Variants in CTCF observed in about 807,000 individuals in gnomAD.
CTCF encodes transcriptional repressor CTCF.
CTCF carries 7 observed loss-of-function variants against 72.3 expected under a neutral mutation model. The observed-to-expected ratio is 0.10, with a 90% CI of 0.06 to 0.18. The LOEUF is 0.18. Ranked by LOEUF, CTCF falls within the 10% of genes least tolerant of loss-of-function variation. The probability of loss-of-function intolerance (pLI) is 1.00; values close to 1 mark genes in which losing one functional copy is unlikely to be tolerated. For missense variants in CTCF, 516 were observed against 949.1 expected (o/e 0.54, Z 6.00); for synonymous variants, 374 against 315.8 (o/e 1.18, Z -1.95).
intron 1 of CTCF, among the ~76,000 whole-genome samples, chr16:67,567,643 T>G (rs999019509): frequency 4.6e-5 from 7 of 151,948 alleles, no homozygotes; most frequent in Admixed American, 1.3e-4. Flanking sequence ...CAGATAGGAG[T>G]GCAGTGGCAT....
intron 7 of CTCF, among the ~76,000 whole-genome samples, chr16:67,622,474 G>T (rs1473499269): frequency 1.3e-5 from 2 of 151,946 alleles, no homozygotes; most frequent in Non-Finnish European, 2.9e-5. Context: ...GATACAACTT[G>T]TAGTACCGTA....
chr16:67,621,364 G>GC, intron 6 of CTCF, 78 bp from the exon 7 acceptor site: 1 of 1,067,884 alleles, frequency 9.4e-7, no homozygotes, highest in Non-Finnish European at 1.4e-6. Context: ...TAGCATATCT[G>GC]CCACCTGAGT....
At chr16:67,591,031 C>G (rs1249453030) in intron 2 of CTCF, among the ~76,000 whole-genome samples, 1 of 149,242 alleles carries the variant, frequency 6.7e-6, no homozygotes, top group Admixed American at 6.7e-5. Context: ...AGGCGTGAGC[C>G]ACCGTAATCC....
chr16:67,604,088 C>A (rs1264607785), intron 2 of CTCF, among the ~76,000 whole-genome samples: 3 of 148,036 alleles, frequency 2.0e-5, no homozygotes, highest in Non-Finnish European at 4.5e-5. Flanking sequence ...CATGACCATT[C>A]TGCTGCACTC....
At chr16:67,630,196 C>T (rs892240198) in intron 10 of CTCF, among the ~76,000 whole-genome samples, 4 of 152,040 alleles carry the variant, frequency 2.6e-5, no homozygotes, top group African/African-American at 7.3e-5. Context: ...TTAACTTTTA[C>T]ATTTAGGAAG....
At chr16:67,572,029 C>A (rs189193346) in intron 2 of CTCF, among the ~76,000 whole-genome samples, 1 of 152,078 alleles carries the variant, frequency 6.6e-6, no homozygotes, top group Non-Finnish European at 1.5e-5. Context: ...ATAATTTAAT[C>A]GTACATGTGT....
chr16:67,601,256 T>G (rs906740486), intron 2 of CTCF, among the ~76,000 whole-genome samples: 272 of 115,790 alleles, frequency 2.3e-3, no homozygotes, highest in African/African-American at 8.4e-3. Flanking sequence ...GTGTGTGTGT[T>G]TTGTTTTGTT....
chr16:67,577,435 CTTTT>C (rs111728249), intron 2 of CTCF, among the ~76,000 whole-genome samples: 1 of 140,200 alleles, frequency 7.1e-6, no homozygotes, highest in South Asian at 2.3e-4. Flanking sequence ...GTCTAGACTT[CTTTT>C]TTTTTTTTTA....
intron 5 of CTCF, among the ~76,000 whole-genome samples, chr16:67,617,512 T>TAATA (rs984261219): frequency 3.3e-5 from 5 of 151,126 alleles, no homozygotes; most frequent in South Asian, 2.1e-4. Flanking sequence ...CAAAAAATAA[T>TAATA]AATAAATAAA....
intron 7 of CTCF, among the ~76,000 whole-genome samples, chr16:67,624,010 G>A (rs1270899548): frequency 6.7e-6 from 1 of 148,154 alleles, no homozygotes; most frequent in Non-Finnish European, 1.5e-5. Flanking sequence ...ATCGCGCCAC[G>A]GCACTCCAGC....
Position 67,637,812 on chromosome 16 carries a change from C to T in CTCF, c.2124C>T (p.Ala708=). 2.5e-6 allele frequency: 4 copies of T among 1,612,848 alleles called. No individual in the cohort carries two copies. The highest frequency in any genetic ancestry group is 3.4e-6 in the Non-Finnish European group (4 of 1,180,034). ...EGEEEEAQPA[A]TDAPNGDLTP... ...AGGAAGAGGAGGCCCAGCCAGCTGC[C>T]ACAGATGCCCCCAACGGAGACCTCA... is the stretch of plus-strand genomic sequence containing the variant. The change falls in exon 12 of 12, where the codon GCC becomes GCT. Residue 708 remains alanine (A), a synonymous_variant. Transcript: ENST00000264010.
intron 10 of CTCF, among the ~76,000 whole-genome samples, chr16:67,631,364 C>T (rs2052363541): frequency 6.6e-6 from 1 of 151,942 alleles, no homozygotes; most frequent in Admixed American, 6.6e-5. Context: ...AGGGTTTCAC[C>T]ATGTTGGCCA....
intron 2 of CTCF, among the ~76,000 whole-genome samples, chr16:67,586,437 T>A (rs1039908592): frequency 6.6e-6 from 1 of 151,400 alleles, no homozygotes; most frequent in Admixed American, 6.6e-5. Context: ...CTCAGGAGGC[T>A]GAGGCAGAGA....
At chr16:67,609,863 T>C (rs1202252388) in intron 2 of CTCF, among the ~76,000 whole-genome samples, 1 of 151,998 alleles carries the variant, frequency 6.6e-6, no homozygotes. Flanking sequence ...TGACCTCCGG[T>C]AATCTGCCCG....
rs1259685373 is a variant in CTCF, at chr16:67,637,679, C to T, written c.2000-9C>T. ...GACCATTTGTTCTGTCTGTGCTCTT[C>T]TTTGCCAGCAACAGCTATCATTCAG... On this transcript the variant is annotated splice_polypyrimidine_tract_variant and intron_variant, in intron 11 of 11. Coordinates refer to ENST00000264010, the MANE Select transcript of CTCF (RefSeq NM_006565.4). 1.9e-6 allele frequency: 3 copies of T among 1,608,968 alleles called. No homozygotes were observed. Among genetic ancestry groups the T allele is most frequent in the Non-Finnish European group, 2.5e-6 (3 of 1,176,684 alleles).
intron 2 of CTCF, among the ~76,000 whole-genome samples, chr16:67,584,878 G>A (rs1033587198): frequency 6.6e-6 from 1 of 152,122 alleles, no homozygotes; most frequent in Non-Finnish European, 1.5e-5. Flanking sequence ...TAGTCTTTGG[G>A]TTTCCCAGAA....
rs564999680 is a variant in CTCF at position 67,616,722 on chromosome 16, C to T, written c.953-23C>T. 2.5e-6 allele frequency: 4 copies of T among 1,613,732 alleles called. No individual in the cohort carries two copies. In the Admixed American group the frequency reaches 5.0e-5, roughly 20 times the overall value. ...AACTGTGCCCTTGATCTTGCTCTTC[C>T]TGTTACTCCATCCTTTCTCTAGGTA... On this transcript the variant is annotated intron_variant, in intron 4 of 11. Transcript: ENST00000264010.
At chr16:67,569,998 C>A (rs2051392699) in intron 1 of CTCF, among the ~76,000 whole-genome samples, 1 of 152,018 alleles carries the variant, frequency 6.6e-6, no homozygotes, top group African/African-American at 2.4e-5. Flanking sequence ...CATGAACAAA[C>A]TTAATCAGTA....
At chr16:67,600,955 G>A (rs1472770326) in intron 2 of CTCF, among the ~76,000 whole-genome samples, 4 of 152,124 alleles carry the variant, frequency 2.6e-5, no homozygotes, top group Non-Finnish European at 5.9e-5. Flanking sequence ...ACTCAAGCAA[G>A]CATAGAGCCA....
Sources: gnomAD v4.1 joint callset for allele counts (sites outside exome capture counted in the v4.1 genomes callset) on GRCh38, gnomAD v4.1.1 for gene constraint, MANE v1.5 for transcripts, NCBI Gene and HGNC (gene_info 2026-07-23, HGNC 2026-07-21) for gene names.